LGR6: variants seen among roughly 807,000 people sequenced by gnomAD.
LGR6 encodes the protein leucine-rich repeat-containing G protein-coupled receptor 6.
Under a neutral mutation model 69.4 loss-of-function variants are expected in LGR6, and 45 were observed. The ratio of observed to expected loss-of-function variants is 0.65; its 90% confidence interval spans 0.51 to 0.83. LGR6 has a LOEUF of 0.83. Among genes scored for constraint, LGR6 ranks in the 40% least tolerant of loss-of-function variants. The pLI is 0.00. For synonymous variants in LGR6, 538 were observed against 555.0 expected, an observed-to-expected ratio of 0.97 and a Z score of 0.43; for missense variants, 1,108 against 1,246.7, an observed-to-expected ratio of 0.89 and a Z score of 1.68.
intron 4 of LGR6, among the ~76,000 whole-genome samples, chr1:202,255,622 T>C (rs1663703914): frequency 2.0e-5 from 3 of 152,046 alleles, no homozygotes; most frequent in Admixed American, 6.6e-5. Flanking sequence ...TTATTTTTGC[T>C]CTGACTCATT....
intron 3 of LGR6, among the ~76,000 whole-genome samples, chr1:202,234,320 C>G (rs1483731831): frequency 6.6e-6 from 1 of 152,220 alleles, no homozygotes; most frequent in Non-Finnish European, 1.5e-5. Context: ...AGCCTTGCCT[C>G]TATGAAGGGC....
chr1:202,229,662 C>T (rs1223163752), intron 3 of LGR6, among the ~76,000 whole-genome samples: 1 of 152,238 alleles, frequency 6.6e-6, no homozygotes, highest in Non-Finnish European at 1.5e-5. Flanking sequence ...GCAAATGGCA[C>T]CCTTGGCTCA....
intron 4 of LGR6, among the ~76,000 whole-genome samples, chr1:202,255,595 T>C (rs1372124253): frequency 1.3e-5 from 2 of 152,226 alleles, no homozygotes; most frequent in Non-Finnish European, 2.9e-5. Context: ...TGACGTACTT[T>C]GTTTTTAAAA....
At chr1:202,206,332 T>A (rs1252667838) in intron 1 of LGR6, among the ~76,000 whole-genome samples, 1 of 152,192 alleles carries the variant, frequency 6.6e-6, no homozygotes, top group East Asian at 1.9e-4. Flanking sequence ...CTGGGGCCGA[T>A]GAGAGCTCAG....
Position 202,276,387 on chromosome 1 carries a change from C to T in LGR6, c.510C>T (p.Asp170=), listed in dbSNP as rs373499034. 5.1e-5 allele frequency: 82 copies of T among 1,614,042 alleles called. No homozygotes were observed. The highest frequency in any genetic ancestry group is 1.3e-4 in the African/African-American group (10 of 74,932). Residue 170 remains aspartate (D), a synonymous_variant, in exon 5 of 18, where the codon GAC becomes GAT. Coordinates refer to ENST00000367278, the MANE Select transcript of LGR6 (RefSeq NM_001017403.2). ...CCTCCCTCCGCCACCTCTGGCTGGA[C>T]GACAATGCACTCACGGAGATCCCTG... ...GLSSLRHLWL[D]DNALTEIPVR... is the part of the protein sequence containing the mutation.
intron 3 of LGR6, among the ~76,000 whole-genome samples, chr1:202,229,047 G>A (rs892463180): frequency 6.6e-6 from 1 of 152,176 alleles, no homozygotes; most frequent in African/African-American, 2.4e-5. Flanking sequence ...CCCAGAAAGC[G>A]ATATCTTTTA....
intron 1 of LGR6, 55 bp downstream of exon 1, chr1:202,194,256 A>C: frequency 7.5e-7 from 1 of 1,325,950 alleles, no homozygotes; most frequent in Non-Finnish European, 1.0e-6. Flanking sequence ...GCTAGCGCCC[A>C]GTCCCGGCCT....
chr1:202,205,883 C>CAAACACACACACACCTA (rs1659203378), intron 1 of LGR6, among the ~76,000 whole-genome samples: 1 of 146,172 alleles, frequency 6.8e-6, no homozygotes, highest in Non-Finnish European at 1.5e-5. Context: ...ACCCGTCCTT[C>CAAACACACACACACCTA]AAACACACAC....
At position 202,193,914 on chromosome 1, in the gene LGR6, G is replaced by C; in HGVS notation, c.-76G>C. 7.2e-6 allele frequency: 7 copies of C among 977,900 alleles called. No individual in the cohort carries two copies. Among genetic ancestry groups the C allele is most frequent in the South Asian group, 5.7e-5 (2 of 35,060 alleles). The allele number at this position is 977,900 out of a possible 1,614,324, so 60.6% of individuals were successfully genotyped here. On this transcript the variant is annotated 5_prime_UTR_variant, in exon 1 of 18. Transcript: ENST00000367278. ...ACCGACGGTGCAGCCCGCCGGGACC[G>C]GGAGGAAGCAGCTGCGGCCATCGCG...
At chr1:202,213,614 C>T (rs1387270074) in intron 1 of LGR6, among the ~76,000 whole-genome samples, 1 of 152,208 alleles carries the variant, frequency 6.6e-6, no homozygotes, top group Non-Finnish European at 1.5e-5. Context: ...CCTGCTTCTC[C>T]ACCAGGAGGG....
intron 14 of LGR6, 72 bp from the exon 15 acceptor site, chr1:202,308,979 C>T: frequency 1.3e-6 from 2 of 1,574,858 alleles, no homozygotes; most frequent in South Asian, 2.3e-5. Flanking sequence ...ACACTGGCCA[C>T]ATTCTCAGCA....
chr1:202,271,927 C>T (rs1314093037), intron 4 of LGR6, among the ~76,000 whole-genome samples: 2 of 151,994 alleles, frequency 1.3e-5, no homozygotes, highest in Non-Finnish European at 2.9e-5. Flanking sequence ...GAGTCTCCCT[C>T]TAAGGGGGTG....
intron 1 of LGR6, among the ~76,000 whole-genome samples, chr1:202,202,557 C>G (rs1658874482): frequency 6.6e-6 from 1 of 152,222 alleles, no homozygotes; most frequent in Admixed American, 6.5e-5. Context: ...TTCTTCACCT[C>G]TCTCAGCTTC....
At chr1:202,203,479 G>A (rs1323793384) in intron 1 of LGR6, among the ~76,000 whole-genome samples, 1 of 152,196 alleles carries the variant, frequency 6.6e-6, no homozygotes, top group East Asian at 1.9e-4. Flanking sequence ...TGCCCCTCAT[G>A]CCCCTTGTTA....
In LGR6 at chr1:202,193,890, C is replaced by A; in HGVS notation, c.-100C>A. 1 of 746,030 alleles carries A rather than the reference C, an allele frequency of 1.3e-6. No individual in the cohort carries two copies. Among genetic ancestry groups the A allele is most frequent in the Non-Finnish European group, 1.8e-6 (1 of 552,804 alleles). The allele number at this position is 746,030 out of a possible 1,614,324, so 46.2% of individuals were successfully genotyped here. A position where few individuals can be genotyped will look rare whatever the true frequency, so the allele number is the denominator to read the frequency against. On this transcript the variant is annotated 5_prime_UTR_variant, in exon 1 of 18. Coordinates refer to ENST00000367278, the MANE Select transcript of LGR6 (RefSeq NM_001017403.2). ...AATAGAGCCCCTGGGGCGGTCCCCA[C>A]CGACGGTGCAGCCCGCCGGGACCGG...
At chr1:202,296,041 A>G (rs191841682) in intron 6 of LGR6, among the ~76,000 whole-genome samples, 2 of 152,234 alleles carry the variant, frequency 1.3e-5, no homozygotes, top group Non-Finnish European at 2.9e-5. Flanking sequence ...GCCTGTCATT[A>G]TCTCCATGTT....
At chr1:202,253,555 G>A (rs901457126) in intron 4 of LGR6, among the ~76,000 whole-genome samples, 3 of 151,176 alleles carry the variant, frequency 2.0e-5, no homozygotes, top group Non-Finnish European at 2.9e-5. Flanking sequence ...CGCCTGCCTC[G>A]GCCTCCCAAA....
At chr1:202,241,424 A>C (rs979637618) in intron 4 of LGR6, among the ~76,000 whole-genome samples, 2 of 152,196 alleles carry the variant, frequency 1.3e-5, no homozygotes, top group African/African-American at 4.8e-5. Context: ...AATGGGGGCC[A>C]GCCAGGCATT....
intron 1 of LGR6, among the ~76,000 whole-genome samples, chr1:202,219,356 C>A (rs546424961): frequency 6.6e-6 from 1 of 152,170 alleles, no homozygotes; most frequent in African/African-American, 2.4e-5. Flanking sequence ...CTGGGCAGCC[C>A]GTTAAGCCCT....
Sources: gnomAD v4.1 joint callset for allele counts (sites outside exome capture counted in the v4.1 genomes callset) on GRCh38, gnomAD v4.1.1 for gene constraint, MANE v1.5 for transcripts, NCBI Gene and HGNC (gene_info 2026-07-23, HGNC 2026-07-21) for gene names.